Variants in CNTNAP5 observed in about 807,000 individuals in gnomAD.
CNTNAP5 encodes the protein contactin associated protein family member 5, also known as contactin-associated protein-like 5.
CNTNAP5 carries 72 observed loss-of-function variants against 150.2 expected under a neutral mutation model. The ratio of observed to expected loss-of-function variants is 0.48; its 90% confidence interval spans 0.40 to 0.58. CNTNAP5 has a LOEUF of 0.58. Ranked by LOEUF, CNTNAP5 falls within the 20% of genes least tolerant of loss-of-function variation. The pLI is 0.00. For synonymous variants in CNTNAP5, 672 were observed against 619.8 expected, an observed-to-expected ratio of 1.08 and a Z score of -1.25; for missense variants, 1,636 against 1,626.2, an observed-to-expected ratio of 1.01 and a Z score of -0.10.
At chr2:124,311,514 A>G (rs1688831349) in intron 3 of CNTNAP5, among the ~76,000 whole-genome samples, 1 of 152,192 alleles carries the variant, frequency 6.6e-6, no homozygotes, top group Admixed American at 6.5e-5. Context: ...AAGGACACCA[A>G]TCCTACTAGG....
At chr2:124,660,746 C>A in intron 13 of CNTNAP5, among the ~76,000 whole-genome samples, 1 of 151,484 alleles carries the variant, frequency 6.6e-6, no homozygotes, top group Middle Eastern at 3.4e-3. Flanking sequence ...CTAAACATAC[C>A]TAAATATGAA....
At chr2:124,413,809 C>A (rs1215627163) in intron 3 of CNTNAP5, among the ~76,000 whole-genome samples, 4 of 126,936 alleles carry the variant, frequency 3.2e-5, no homozygotes, top group South Asian at 2.8e-4. Flanking sequence ...TGCAGTGCAC[C>A]AGCATGGCAC....
chr2:124,028,805 C>T (rs868032375), intron 1 of CNTNAP5, among the ~76,000 whole-genome samples: 6 of 152,038 alleles, frequency 3.9e-5, no homozygotes, highest in African/African-American at 4.8e-5. Flanking sequence ...GTTATTCAAC[C>T]TTATAGTGCT....
In CNTNAP5 at chr2:124,552,181, A is replaced by G. The variant is rs188108850; in HGVS notation, c.1650-11036A>G. Among the ~76,000 whole-genome samples the G allele has an allele frequency of 2.0e-5, 3 of 152,268 alleles. No homozygotes were observed. In the East Asian group the frequency reaches 5.8e-4, roughly 29 times the overall value. On this transcript the variant is annotated intron_variant, in intron 10 of 23. Transcript: ENST00000682447. ...ATCCAAAGGAGCAAAGGCCCTCCCC[A>G]TTTAATTTGATTTCTAGAGTTTGAT...
intron 1 of CNTNAP5, among the ~76,000 whole-genome samples, chr2:124,044,196 T>A (rs1483854922): frequency 6.6e-6 from 1 of 152,224 alleles, no homozygotes; most frequent in Non-Finnish European, 1.5e-5. Context: ...CCAGATCTTA[T>A]CATTGACATA....
At chr2:124,117,697 C>T (rs17010872) in intron 1 of CNTNAP5, among the ~76,000 whole-genome samples, 3,855 of 152,204 alleles carry the variant, frequency 0.025, 180 homozygotes, top group African/African-American at 0.087. Context: ...CAGTACTTAC[C>T]TACTCTCCTG....
chr2:124,293,799 C>A (rs747231350), intron 3 of CNTNAP5, among the ~76,000 whole-genome samples: 1 of 151,876 alleles, frequency 6.6e-6, no homozygotes, highest in Non-Finnish European at 1.5e-5. Context: ...CCGAGGACAG[C>A]AAACACAGAG....
chr2:124,158,626 G>T (rs1684604585), intron 1 of CNTNAP5, among the ~76,000 whole-genome samples: 1 of 152,172 alleles, frequency 6.6e-6, no homozygotes, highest in Non-Finnish European at 1.5e-5. Context: ...TTTTGTGCCA[G>T]ACAGGTTAGC....
intron 3 of CNTNAP5, among the ~76,000 whole-genome samples, chr2:124,355,224 A>AT (rs1689966811): frequency 6.6e-6 from 1 of 152,024 alleles, no homozygotes; most frequent in Non-Finnish European, 1.5e-5. Context: ...TATTAAGTAT[A>AT]TTTTTCTGCA....
chr2:124,685,452 TTATGC>T (rs748040046), intron 13 of CNTNAP5, among the ~76,000 whole-genome samples: 35,726 of 151,938 alleles, frequency 0.24, 4,697 homozygotes, highest in African/African-American at 0.36. Flanking sequence ...TCCTTGTAGG[TTATGC>T]ATCTGAGTAT....
At chr2:124,454,064 A>C (rs1419221619) in intron 6 of CNTNAP5, among the ~76,000 whole-genome samples, 1 of 152,232 alleles carries the variant, frequency 6.6e-6, no homozygotes, top group Non-Finnish European at 1.5e-5. Context: ...ACTAACATTG[A>C]ATATAAATGG....
intron 8 of CNTNAP5, among the ~76,000 whole-genome samples, chr2:124,519,748 C>A (rs1481390941): frequency 6.6e-6 from 1 of 152,176 alleles, no homozygotes; most frequent in Non-Finnish European, 1.5e-5. Context: ...TTCAAAGGTT[C>A]ATTTGCAAGT....
intron 11 of CNTNAP5, among the ~76,000 whole-genome samples, chr2:124,608,155 T>A (rs930757640): frequency 6.6e-6 from 1 of 151,982 alleles, no homozygotes; most frequent in African/African-American, 2.4e-5. Context: ...GGGGCAGGAG[T>A]TGGCTAGGAG....
intron 2 of CNTNAP5, among the ~76,000 whole-genome samples, chr2:124,241,635 T>C (rs1686888585): frequency 6.6e-6 from 1 of 152,164 alleles, no homozygotes; most frequent in Non-Finnish European, 1.5e-5. Context: ...TCAACAAACA[T>C]CTGCCGAATA....
intron 19 of CNTNAP5, among the ~76,000 whole-genome samples, chr2:124,861,946 T>C (rs1339414288): frequency 6.6e-6 from 1 of 152,160 alleles, no homozygotes; most frequent in Non-Finnish European, 1.5e-5. Context: ...CCTGAGTAGC[T>C]GGGATTACAG....
intron 3 of CNTNAP5, among the ~76,000 whole-genome samples, chr2:124,358,741 T>G (rs1357868318): frequency 1.3e-5 from 2 of 151,908 alleles, no homozygotes; most frequent in Admixed American, 6.5e-5. Context: ...TCAATGTTCA[T>G]CAAGTATATT....
intron 13 of CNTNAP5, among the ~76,000 whole-genome samples, chr2:124,667,816 A>G (rs1430821188): frequency 6.6e-6 from 1 of 152,202 alleles, no homozygotes; most frequent in African/African-American, 2.4e-5. Context: ...ATGAAAGAGA[A>G]AAAGTGATAA....
At chr2:124,555,314 G>T (rs551576217) in intron 10 of CNTNAP5, among the ~76,000 whole-genome samples, 1 of 152,174 alleles carries the variant, frequency 6.6e-6, no homozygotes, top group Non-Finnish European at 1.5e-5. Context: ...TAAGGAAGAC[G>T]TGTAATGTGC....
chr2:124,730,587 T>A (rs947444489), intron 13 of CNTNAP5, among the ~76,000 whole-genome samples: 3 of 152,118 alleles, frequency 2.0e-5, no homozygotes, highest in South Asian at 2.1e-4. Context: ...TTTCAGTATT[T>A]TTATTTAGAA....
Sources: allele counts gnomAD v4.1 joint callset (sites outside exome capture counted in the v4.1 genomes callset), GRCh38; gene constraint gnomAD v4.1.1; transcripts MANE v1.5; gene names NCBI Gene and HGNC (gene_info 2026-07-23, HGNC 2026-07-21).